Variants in FAM3C observed in about 807,000 individuals in gnomAD.
FAM3C encodes the protein FAM3 metabolism regulating signaling molecule C.
FAM3C carries 15 observed loss-of-function variants against 32.5 expected under a neutral mutation model. The observed-to-expected ratio is 0.46, with a 90% CI of 0.31 to 0.71. The LOEUF (loss-of-function observed/expected upper bound fraction) is 0.71, where lower values mean the gene tolerates loss of function less well. Ranked by LOEUF, FAM3C falls within the 30% of genes least tolerant of loss-of-function variation. The probability of loss-of-function intolerance (pLI) is 0.05; values close to 1 mark genes in which losing one functional copy is unlikely to be tolerated. For missense variants in FAM3C, 175 were observed against 274.4 expected, an observed-to-expected ratio of 0.64 and a Z score of 2.56; for synonymous variants, 75 against 86.1, an observed-to-expected ratio of 0.87 and a Z score of 0.72.
intron 5 of FAM3C, among the ~76,000 whole-genome samples, chr7:121,364,788 G>A (rs1793993482): frequency 6.6e-6 from 1 of 152,082 alleles, no homozygotes; most frequent in Admixed American, 6.5e-5. Context: ...TCCATGGGCA[G>A]CTCACAGACC....
At chr7:121,360,640 C>T (rs1479535300) in intron 7 of FAM3C, among the ~76,000 whole-genome samples, 9 of 152,074 alleles carry the variant, frequency 5.9e-5, no homozygotes, top group Non-Finnish European at 1.0e-4. Context: ...TGAAACCAGC[C>T]TGGGCAATAT....
At chr7:121,384,324 A>G (rs1225280545) in intron 1 of FAM3C, among the ~76,000 whole-genome samples, 1 of 152,246 alleles carries the variant, frequency 6.6e-6, no homozygotes, top group African/African-American at 2.4e-5. Context: ...GAAACAAGAT[A>G]CTGAAGTATC....
intron 7 of FAM3C, among the ~76,000 whole-genome samples, chr7:121,362,037 TA>T (rs1264594913): frequency 7.2e-5 from 11 of 152,146 alleles, no homozygotes; most frequent in African/African-American, 2.4e-4. Flanking sequence ...TGAGAACTCT[TA>T]ACATGAATTT....
At chr7:121,355,804 C>A (rs1487940260) in intron 8 of FAM3C, among the ~76,000 whole-genome samples, 1 of 152,112 alleles carries the variant, frequency 6.6e-6, no homozygotes, top group African/African-American at 2.4e-5. Context: ...GGTGGCACAC[C>A]GCCCTTGGTA....
At chr7:121,389,696 GTA>G (rs1298175512) in intron 1 of FAM3C, among the ~76,000 whole-genome samples, 1 of 151,712 alleles carries the variant, frequency 6.6e-6, no homozygotes, top group African/African-American at 2.4e-5. Flanking sequence ...TATGCGGCTG[GTA>G]TATATGTGTA....
chr7:121,357,092 G>C (rs1390132967), intron 8 of FAM3C, among the ~76,000 whole-genome samples: 1 of 152,272 alleles, frequency 6.6e-6, no homozygotes, highest in East Asian at 1.9e-4. Context: ...TACTTGTAAA[G>C]GACAGGGGTT....
chr7:121,367,879 T>C (rs140981209), intron 5 of FAM3C, among the ~76,000 whole-genome samples: 153 of 152,032 alleles, frequency 1.0e-3, no homozygotes, highest in African/African-American at 3.6e-3. Flanking sequence ...GGTGGGAAGA[T>C]CGCTTGAGTC....
chr7:121,375,589 A>T (rs1483816503), intron 3 of FAM3C, among the ~76,000 whole-genome samples: 1 of 152,222 alleles, frequency 6.6e-6, no homozygotes, highest in Non-Finnish European at 1.5e-5. Context: ...TCATAAAAAC[A>T]GTACAGATTA....
intron 1 of FAM3C, 74 bp downstream of exon 1, chr7:121,396,088 G>C (rs1654456233): frequency 6.6e-6 from 1 of 152,084 alleles, no homozygotes; most frequent in East Asian, 2.0e-4. Context: ...GTAGGTGGGC[G>C]TCTGGCTTCC....
intron 8 of FAM3C, among the ~76,000 whole-genome samples, chr7:121,354,044 G>A (rs537552812): frequency 1.3e-5 from 2 of 152,152 alleles, no homozygotes; most frequent in South Asian, 4.2e-4. Flanking sequence ...GTAGAATTTG[G>A]TTGATTATTT....
chr7:121,382,149 G>A (rs1161118071), intron 2 of FAM3C, among the ~76,000 whole-genome samples: 3 of 152,186 alleles, frequency 2.0e-5, no homozygotes, highest in African/African-American at 7.2e-5. Context: ...TGGGAAGGGT[G>A]GGGAAAAACA....
At chr7:121,364,262 C>A in intron 5 of FAM3C, 74 bp from the exon 6 acceptor site, 1 of 998,898 alleles carries the variant, frequency 1.0e-6, no homozygotes, top group Non-Finnish European at 1.5e-6. Flanking sequence ...TAAAGTCTTG[C>A]AAAAAAAGTT....
In FAM3C at chr7:121,351,259, C is replaced by T. The variant is rs2116860849; in HGVS notation, c.478G>A (p.Glu160Lys). The change falls in exon 9 of 10, where the codon GAG (glutamate) becomes AAG (lysine). Residue 160 changes from glutamate (E) to lysine (K), a missense_variant. Physicochemically the swap from Glu to Lys is moderately conservative, Grantham distance 56 (BLOSUM62 1). Transcript: ENST00000359943. ...YDDGATKLNDEARRLIADLGS... is the reference protein window; with the variant it reads ...YDDGATKLNDKARRLIADLGS... ...AAATCAGCAATGAGCCGCCGTGCCT[C>T]ATCATTGAGTCTTGAAGAGGGAGAG... The T allele has an allele frequency of 6.2e-7, 1 of 1,613,376 alleles. No individual in the cohort carries two copies. Among genetic ancestry groups the T allele is most frequent in the East Asian group, 2.2e-5 (1 of 44,864 alleles).
chr7:121,381,748 C>T (rs185417112), intron 2 of FAM3C, among the ~76,000 whole-genome samples: 197 of 151,280 alleles, frequency 1.3e-3, no homozygotes, highest in Admixed American at 4.7e-3. Context: ...ACAAGTTCTT[C>T]GTTTCTGAGA....
chr7:121,369,590 A>T (rs1467671712), intron 5 of FAM3C, among the ~76,000 whole-genome samples: 1 of 152,232 alleles, frequency 6.6e-6, no homozygotes, highest in East Asian at 1.9e-4. Flanking sequence ...CCATGCTAGA[A>T]GCAAATTCTC....
At chr7:121,351,484 A>G (rs992009902) in intron 8 of FAM3C, 1 of 464,976 alleles carries the variant, frequency 2.2e-6, no homozygotes, top group Non-Finnish European at 3.8e-6. Context: ...AGTTTATTCT[A>G]TTAAAAGGAC....
intron 8 of FAM3C, among the ~76,000 whole-genome samples, chr7:121,355,539 A>C (rs1325141980): frequency 6.6e-6 from 1 of 152,200 alleles, no homozygotes; most frequent in Admixed American, 6.5e-5. Flanking sequence ...AGAGGGAAAT[A>C]AGTAAAGCCA....
At chr7:121,389,778 T>TA (rs1470176111) in intron 1 of FAM3C, among the ~76,000 whole-genome samples, 2 of 148,204 alleles carry the variant, frequency 1.3e-5, no homozygotes. Context: ...AAAAAAAAGG[T>TA]AGACATCAAA....
At chr7:121,362,993 C>T (rs1251204001) in intron 6 of FAM3C, 46 bp from the exon 7 acceptor site, 2 of 891,402 alleles carry the variant, frequency 2.2e-6, no homozygotes, top group Non-Finnish European at 3.7e-6. Context: ...TGAAATATAT[C>T]ATACACTGTA....
Sources: gnomAD v4.1 joint callset for allele counts (sites outside exome capture counted in the v4.1 genomes callset) on GRCh38, gnomAD v4.1.1 for gene constraint, MANE v1.5 for transcripts, NCBI Gene and HGNC (gene_info 2026-07-23, HGNC 2026-07-21) for gene names.